The following GREB1L variants were observed in gnomAD, a reference collection of about 807,000 sequenced individuals.
The protein encoded by GREB1L is GREB1-like protein.
Under a neutral mutation model 200.8 loss-of-function variants are expected in GREB1L, and 17 were observed. The ratio of observed to expected loss-of-function variants is 0.08; its 90% CI spans 0.06 to 0.13. The LOEUF is 0.13. Among genes scored for constraint, GREB1L ranks in the 10% least tolerant of loss-of-function variants. The pLI is 1.00. For missense variants in GREB1L, 1,657 were observed against 2,367.7 expected (o/e 0.70, Z 6.23); for synonymous variants, 789 against 893.0 (o/e 0.88, Z 2.08).
intron 1 of GREB1L, among the ~76,000 whole-genome samples, chr18:21,272,580 C>A (rs539723438): frequency 6.6e-6 from 1 of 152,160 alleles, no homozygotes; most frequent in African/African-American, 2.4e-5. Context: ...TCTTTATCAA[C>A]GGTTAAAATA....
At chr18:21,265,081 AT>A (rs1231041649) in intron 1 of GREB1L, among the ~76,000 whole-genome samples, 2 of 152,198 alleles carry the variant, frequency 1.3e-5, no homozygotes, top group Non-Finnish European at 2.9e-5. Context: ...GATTAGAGCA[AT>A]TCAGATTATC....
intron 1 of GREB1L, among the ~76,000 whole-genome samples, chr18:21,271,810 CT>C (rs1048278181): frequency 1.3e-5 from 2 of 152,098 alleles, no homozygotes; most frequent in African/African-American, 4.8e-5. Context: ...CCAGAAATCC[CT>C]GCGGTGGACT....
Position 21,489,906 on chromosome 18 carries a change from A to C in GREB1L, c.2691-106A>C, listed in dbSNP as rs953688961. 13 of 768,334 alleles carry C rather than the reference A, an allele frequency of 1.7e-5. No individual in the cohort carries two copies. In the African/African-American group the frequency reaches 1.9e-4, roughly 11 times the overall value. The allele number at this position is 768,334 out of a possible 1,614,324, so 47.6% of individuals were successfully genotyped here. A position where few individuals can be genotyped will look rare whatever the true frequency, so the allele number is the denominator to read the frequency against. On this transcript the variant is annotated intron_variant, in intron 18 of 32. Coordinates refer to ENST00000424526, the MANE Select transcript of GREB1L (RefSeq NM_001142966.3). ...GAACTAAAGCCCCACCACACTGATCAGTAGCCCCTTCCCCACCATGCTTAA... is the reference window on the plus strand; with the variant it reads ...GAACTAAAGCCCCACCACACTGATCCGTAGCCCCTTCCCCACCATGCTTAA...
chr18:21,300,121 C>T (rs1425787069), intron 1 of GREB1L, among the ~76,000 whole-genome samples: 2 of 152,148 alleles, frequency 1.3e-5, no homozygotes, highest in Non-Finnish European at 2.9e-5. Context: ...CATTTCCTAA[C>T]ATTAGCTTTT....
At chr18:21,440,240 C>CT (rs760477569) in intron 8 of GREB1L, 29 bp from the exon 9 acceptor site, 281 of 1,549,084 alleles carry the variant, frequency 1.8e-4, no homozygotes, top group Non-Finnish European at 2.1e-4. Flanking sequence ...AAGACTATCT[C>CT]TTTTTTTTGT....
chr18:21,371,699 G>A (rs1286266663), intron 2 of GREB1L, among the ~76,000 whole-genome samples: 1 of 150,870 alleles, frequency 6.6e-6, no homozygotes, highest in African/African-American at 2.4e-5. Flanking sequence ...CAGGAGAATG[G>A]CATGAACCTG....
chr18:21,447,056 T>C (rs73960429), intron 11 of GREB1L, among the ~76,000 whole-genome samples: 1,621 of 152,250 alleles, frequency 0.011, 35 homozygotes, highest in African/African-American at 0.037. Flanking sequence ...GATCAGCACT[T>C]GAAGGAAAAG....
chr18:21,392,409 G>A (rs1037032748), intron 4 of GREB1L, among the ~76,000 whole-genome samples: 3 of 151,920 alleles, frequency 2.0e-5, no homozygotes, highest in African/African-American at 4.8e-5. Flanking sequence ...ATTTGTAAAC[G>A]AAGTAATATG....
chr18:21,376,530 C>T (rs569384087), intron 2 of GREB1L, among the ~76,000 whole-genome samples: 163 of 151,466 alleles, frequency 1.1e-3, no homozygotes, highest in African/African-American at 3.6e-3. Context: ...CAGGGCCGGG[C>T]GCAGTGGCTC....
In GREB1L at chr18:21,278,399, AAT is replaced by A. The variant is rs1491211365; in HGVS notation, c.-120+36008_-120+36009del. On this transcript the variant is annotated intron_variant, in intron 1 of 32. Coordinates refer to ENST00000424526, the MANE Select transcript of GREB1L (RefSeq NM_001142966.3). The stretch of plus-strand genomic sequence containing the variant: ...CCATCTCAAAAAAAAAAAATAAATA[AAT>A]AAATAAATAAATAAATAAATAAATA... 5.2e-3 allele frequency among the ~76,000 whole-genome samples: 718 copies of A among 138,042 alleles called. 6 individuals carry two copies. The highest frequency in any genetic ancestry group is 0.015 in the Middle Eastern group (4 of 274). The allele number at this position is 138,042 out of a possible 152,430, so 90.6% of individuals were successfully genotyped here.
chr18:21,254,572 A>T (rs1475724879), intron 1 of GREB1L, among the ~76,000 whole-genome samples: 1 of 152,104 alleles, frequency 6.6e-6, no homozygotes, highest in African/African-American at 2.4e-5. Flanking sequence ...AGCTGCATGT[A>T]AAAAAAGCAC....
At chr18:21,360,472 C>T (rs993073876) in intron 1 of GREB1L, among the ~76,000 whole-genome samples, 1 of 152,184 alleles carries the variant, frequency 6.6e-6, no homozygotes, top group Admixed American at 6.5e-5. Flanking sequence ...GTGATCCACT[C>T]GCCTCGGCCT....
At chr18:21,392,800 CT>C (rs1167146667) in intron 4 of GREB1L, among the ~76,000 whole-genome samples, 1 of 151,864 alleles carries the variant, frequency 6.6e-6, no homozygotes, top group Non-Finnish European at 1.5e-5. Flanking sequence ...TAGACAGGGT[CT>C]TGTTCTGTCA....
chr18:21,285,141 TTTC>T (rs1324261860), intron 1 of GREB1L, among the ~76,000 whole-genome samples: 1 of 152,130 alleles, frequency 6.6e-6, no homozygotes, highest in East Asian at 1.9e-4. Flanking sequence ...ATTTTCTTTT[TTTC>T]TTCTTTTTTG....
At chr18:21,420,030 T>C (rs2032013888) in intron 7 of GREB1L, among the ~76,000 whole-genome samples, 1 of 152,148 alleles carries the variant, frequency 6.6e-6, no homozygotes, top group South Asian at 2.1e-4. Flanking sequence ...AACAAATCGA[T>C]AAATTGGACT....
chr18:21,384,337 G>T lies in GREB1L; in HGVS notation c.289G>T (p.Asp97Tyr). 6.4e-7 allele frequency: 1 copy of T among 1,551,848 alleles called. No individual in the cohort carries two copies. Among genetic ancestry groups the T allele is most frequent in the Non-Finnish European group, 8.7e-7 (1 of 1,146,964 alleles). Residue 97 changes from aspartate (D) to tyrosine (Y), a missense_variant, in exon 4 of 33, where the codon GAT becomes TAT. Coordinates refer to ENST00000424526, the MANE Select transcript of GREB1L (RefSeq NM_001142966.3). ...TGATGAAGACGATGAAGAAATGTCT[G>T]ATTCAAACAGCCCACCAATTCCCTA... is the stretch of plus-strand genomic sequence containing the variant. ...EDDEDDEEMS[D>Y]SNSPPIPYSQ...
chr18:21,423,279 G>T (rs191391316), intron 7 of GREB1L, among the ~76,000 whole-genome samples: 1 of 152,166 alleles, frequency 6.6e-6, no homozygotes, highest in East Asian at 1.9e-4. Context: ...AAGCATTGTT[G>T]CATTTGTTTA....
intron 2 of GREB1L, among the ~76,000 whole-genome samples, chr18:21,377,022 T>C (rs2040103948): frequency 6.6e-6 from 1 of 152,100 alleles, no homozygotes; most frequent in Non-Finnish European, 1.5e-5. Context: ...TTCTGTGACT[T>C]TGAGAAAATG....
At chr18:21,244,927 A>G (rs1423020750) in intron 1 of GREB1L, among the ~76,000 whole-genome samples, 1 of 152,224 alleles carries the variant, frequency 6.6e-6, no homozygotes, top group Non-Finnish European at 1.5e-5. Flanking sequence ...CCTACTTGAA[A>G]GAGACTTGAC....
Sources: gnomAD v4.1 joint callset for allele counts (sites outside exome capture counted in the v4.1 genomes callset) on GRCh38, gnomAD v4.1.1 for gene constraint, MANE v1.5 for transcripts, NCBI Gene and HGNC (gene_info 2026-07-23, HGNC 2026-07-21) for gene names.